Variants in DNM3 observed in about 807,000 individuals in gnomAD.
DNM3 encodes dynamin-3.
Under a neutral mutation model 101.6 loss-of-function variants are expected in DNM3, and 47 were observed. That is an observed-to-expected ratio of 0.46 (90% CI 0.37 to 0.59). The LOEUF (loss-of-function observed/expected upper bound fraction) is 0.59, where lower values mean the gene tolerates loss of function less well. DNM3 is among the 20% of genes least tolerant of loss of function. DNM3 has a pLI of 0.00. For synonymous variants in DNM3, 385 were observed against 387.9 expected, an observed-to-expected ratio of 0.99 and a Z score of 0.09; for missense variants, 849 against 1,085.7, an observed-to-expected ratio of 0.78 and a Z score of 3.06.
chr1:172,063,362 T>C (rs2051396853), intron 10 of DNM3, among the ~76,000 whole-genome samples: 1 of 147,614 alleles, frequency 6.8e-6, no homozygotes, highest in Non-Finnish European at 1.5e-5. Context: ...TAGAAATGTC[T>C]CCCAAGTGTT....
At position 171,854,095 on chromosome 1, in the gene DNM3, GA is replaced by G. The variant is rs5778710; in HGVS notation, c.161+12287del. On this transcript the variant is annotated intron_variant, in intron 1 of 20. Transcript: ENST00000627582. Reference sequence around the variant, plus strand: ...TTGTGAAAGACACTGTTTTGGGATGGAAAAAAAAATATTTGCCCTTAACAGA... The same window carrying G: ...TTGTGAAAGACACTGTTTTGGGATGGAAAAAAAATATTTGCCCTTAACAGA... Among the ~76,000 whole-genome samples the G allele has an allele frequency of 5.6e-3, 854 of 151,584 alleles. 9 individuals are homozygous for G. Among genetic ancestry groups the G allele is most frequent in the African/African-American group, 0.02 (810 of 41,348 alleles).
intron 14 of DNM3, among the ~76,000 whole-genome samples, chr1:172,246,090 C>T (rs923046906): frequency 2.0e-5 from 3 of 152,122 alleles, no homozygotes; most frequent in Non-Finnish European, 2.9e-5. Context: ...ACCATCTGAT[C>T]TCATGAGAAT....
At chr1:172,322,863 T>A (rs1573466987) in intron 16 of DNM3, among the ~76,000 whole-genome samples, 1 of 151,812 alleles carries the variant, frequency 6.6e-6, no homozygotes, top group African/African-American at 2.4e-5. Context: ...AAGGATGCAG[T>A]GTTTGTTTAA....
At chr1:171,996,395 T>A (rs1300402175) in intron 4 of DNM3, among the ~76,000 whole-genome samples, 1 of 152,114 alleles carries the variant, frequency 6.6e-6, no homozygotes, top group African/African-American at 2.4e-5. Context: ...TTGGTATGGG[T>A]GAGATCCTAT....
intron 16 of DNM3, among the ~76,000 whole-genome samples, chr1:172,314,533 C>T (rs890171181): frequency 3.3e-5 from 5 of 152,190 alleles, no homozygotes; most frequent in African/African-American, 7.2e-5. Flanking sequence ...CACTCCCACC[C>T]GCATACTGTG....
intron 2 of DNM3, among the ~76,000 whole-genome samples, chr1:171,955,084 A>T (rs1253976015): frequency 6.6e-6 from 1 of 152,204 alleles, no homozygotes; most frequent in Non-Finnish European, 1.5e-5. Context: ...AGTGATAGCA[A>T]CCTTCTACCT....
At chr1:172,330,342 T>A (rs1247719320) in intron 17 of DNM3, among the ~76,000 whole-genome samples, 1 of 151,934 alleles carries the variant, frequency 6.6e-6, no homozygotes, top group African/African-American at 2.4e-5. Flanking sequence ...TATATAGAAA[T>A]TTTCATGATA....
chr1:172,261,955 G>T (rs1434953169), intron 15 of DNM3, among the ~76,000 whole-genome samples: 1 of 152,182 alleles, frequency 6.6e-6, no homozygotes, highest in Admixed American at 6.5e-5. Flanking sequence ...TGGATGGTAT[G>T]CTCAGGTAAA....
At chr1:171,870,006 T>C (rs2035120941) in intron 1 of DNM3, among the ~76,000 whole-genome samples, 1 of 152,168 alleles carries the variant, frequency 6.6e-6, no homozygotes, top group African/African-American at 2.4e-5. Flanking sequence ...TTAGACAGAG[T>C]GCAGAAGTGC....
intron 1 of DNM3, among the ~76,000 whole-genome samples, chr1:171,854,679 T>C (rs11808234): frequency 0.6 from 91,001 of 151,568 alleles, 27,569 homozygotes; most frequent in East Asian, 0.8. Context: ...CAGATTCAAG[T>C]GATTCTCCTG....
chr1:172,218,026 T>C (rs770874325), intron 14 of DNM3, among the ~76,000 whole-genome samples: 4 of 152,200 alleles, frequency 2.6e-5, no homozygotes, highest in Non-Finnish European at 5.9e-5. Flanking sequence ...CTAAAATAGA[T>C]TATGGTCTAT....
chr1:172,036,141 G>T (rs1432497190), intron 6 of DNM3, among the ~76,000 whole-genome samples: 2 of 141,160 alleles, frequency 1.4e-5, no homozygotes, highest in Non-Finnish European at 3.1e-5. Flanking sequence ...ATCTCCTAAA[G>T]CTATCCCTCC....
rs2068719150 is a variant in DNM3 at position 172,378,337 on chromosome 1, A to C, written c.1894-681A>C. On this transcript the variant is annotated intron_variant, in intron 17 of 20. Transcript: ENST00000627582. Reference sequence around the variant, plus strand: ...TGCTTTTCTCATGTTGCACAAATAAATTCTTTGTGTATAGATGTGTTCTGT... The same window carrying C: ...TGCTTTTCTCATGTTGCACAAATAACTTCTTTGTGTATAGATGTGTTCTGT... The C allele has an allele frequency of 2.6e-5, 4 of 152,214 alleles. No homozygotes were observed. The South Asian group carries it at 8.3e-4, about 32-fold the overall frequency. The allele number at this position is 152,214 out of a possible 1,614,324, so 9.4% of individuals were successfully genotyped here.
chr1:172,172,760 G>A (rs1022562053), intron 14 of DNM3, among the ~76,000 whole-genome samples: 5 of 151,710 alleles, frequency 3.3e-5, no homozygotes, highest in Non-Finnish European at 5.9e-5. Flanking sequence ...GAAAAACTGC[G>A]GAATTTAGTG....
chr1:172,096,141 G>A (rs138404716), intron 13 of DNM3, among the ~76,000 whole-genome samples: 5 of 152,310 alleles, frequency 3.3e-5, no homozygotes, highest in African/African-American at 1.2e-4. Context: ...CAAGAGGCCA[G>A]CCTTGGTCAC....
intron 17 of DNM3, among the ~76,000 whole-genome samples, chr1:172,346,632 C>T (rs1199039359): frequency 1.3e-5 from 2 of 152,098 alleles, no homozygotes; most frequent in Non-Finnish European, 2.9e-5. Context: ...AAATCAGACA[C>T]CCTCATGGAC....
At chr1:171,925,579 T>TAA (rs1464765945) in intron 2 of DNM3, among the ~76,000 whole-genome samples, 1 of 152,196 alleles carries the variant, frequency 6.6e-6, no homozygotes, top group African/African-American at 2.4e-5. Context: ...TTGATTTGTT[T>TAA]AAAGTTCTTA....
intron 1 of DNM3, among the ~76,000 whole-genome samples, chr1:171,872,309 GT>G (rs1223694735): frequency 6.6e-6 from 1 of 151,948 alleles, no homozygotes; most frequent in African/African-American, 2.4e-5. Flanking sequence ...AAGCTTCTTT[GT>G]TATCTCCCAC....
chr1:172,164,525 CA>C (rs1161686751), intron 14 of DNM3, among the ~76,000 whole-genome samples: 1 of 151,992 alleles, frequency 6.6e-6, no homozygotes, highest in Non-Finnish European at 1.5e-5. Flanking sequence ...GTATCTGGAG[CA>C]ACCACTTCTC....
Sources: gnomAD v4.1 joint callset for allele counts (sites outside exome capture counted in the v4.1 genomes callset) on GRCh38, gnomAD v4.1.1 for gene constraint, MANE v1.5 for transcripts, NCBI Gene and HGNC (gene_info 2026-07-23, HGNC 2026-07-21) for gene names.